ELK3: variants seen among roughly 807,000 people sequenced by gnomAD.
The protein encoded by ELK3 is ETS transcription factor ELK3, also known as ETS domain-containing protein Elk-3.
Under a neutral mutation model 28.9 loss-of-function variants are expected in ELK3, and 10 were observed. The ratio of observed to expected loss-of-function variants is 0.35; its 90% confidence interval spans 0.21 to 0.59. The LOEUF (loss-of-function observed/expected upper bound fraction) is 0.59. Ranked by LOEUF, ELK3 falls within the 20% of genes least tolerant of loss-of-function variation. ELK3 has a pLI of 0.82. For synonymous variants in ELK3, 272 were observed against 243.5 expected, an observed-to-expected ratio of 1.12 and a Z score of -1.09; for missense variants, 463 against 517.3, an observed-to-expected ratio of 0.90 and a Z score of 1.02.
chr12:96,216,296 C>G (rs931579977), intron 1 of ELK3, among the ~76,000 whole-genome samples: 4 of 152,126 alleles, frequency 2.6e-5, no homozygotes, highest in Admixed American at 2.6e-4. Flanking sequence ...GGAGAGAGCC[C>G]CAGGGACCCT....
intron 1 of ELK3, chr12:96,213,936 C>T (rs1951592780): frequency 6.6e-6 from 1 of 151,100 alleles, no homozygotes; most frequent in Non-Finnish European, 1.5e-5. Context: ...GTTGCCCAGG[C>T]TGGTCTTGAA....
At chr12:96,196,104 A>G (rs1236916710) in intron 1 of ELK3, among the ~76,000 whole-genome samples, 2 of 152,204 alleles carry the variant, frequency 1.3e-5, no homozygotes, top group African/African-American at 2.4e-5. Flanking sequence ...GTCATTGCTA[A>G]GTAATGTCTG....
At position 96,221,278 on chromosome 12, in the gene ELK3, C is replaced by G. The variant is rs1199355201; in HGVS notation, c.-2-2287C>G. Among the ~76,000 whole-genome samples, 4 of 152,198 alleles carry G rather than the reference C, an allele frequency of 2.6e-5. No individual in the cohort carries two copies. The East Asian group carries it at 7.7e-4, about 29-fold the overall frequency. ...CAATGAAAAGTGATTCTGTGATGCA[C>G]AAGAAGCTCCGAGGAGGCCAGGCAG... On this transcript the variant is annotated intron_variant, in intron 1 of 4. Transcript: ENST00000228741.
At chr12:96,263,205 G>T (rs1456842357) in intron 4 of ELK3, among the ~76,000 whole-genome samples, 1 of 152,142 alleles carries the variant, frequency 6.6e-6, no homozygotes, top group Non-Finnish European at 1.5e-5. Flanking sequence ...AGATATGAAA[G>T]AATTCCAAGG....
intron 1 of ELK3, among the ~76,000 whole-genome samples, chr12:96,197,699 A>G (rs1951481348): frequency 6.6e-6 from 1 of 152,204 alleles, no homozygotes; most frequent in Non-Finnish European, 1.5e-5. Context: ...CCAGAATGGC[A>G]GTAGTCCAGA....
intron 2 of ELK3, among the ~76,000 whole-genome samples, chr12:96,231,186 A>G (rs539478733): frequency 2.6e-4 from 39 of 152,270 alleles, no homozygotes; most frequent in Non-Finnish European, 4.9e-4. Flanking sequence ...TTGTTACTGT[A>G]GTTCTGATGG....
intron 3 of ELK3, among the ~76,000 whole-genome samples, chr12:96,253,589 T>C (rs934399235): frequency 6.6e-6 from 1 of 152,196 alleles, no homozygotes; most frequent in African/African-American, 2.4e-5. Context: ...TTGAGGACAT[T>C]TTTTTAACCT....
rs1275598103 is a variant in ELK3 at position 96,269,571 on chromosome 12, G to C, written c.*2391G>C. The C allele has an allele frequency of 6.6e-6, 1 of 152,322 alleles. No homozygotes were observed. Among genetic ancestry groups the C allele is most frequent in the Non-Finnish European group, 1.5e-5 (1 of 68,032 alleles). 9.4% of individuals were successfully genotyped at this position (152,322 alleles called of 1,614,324 possible). A position where few individuals can be genotyped will look rare whatever the true frequency, so the allele number is the denominator to read the frequency against. On this transcript the variant is annotated 3_prime_UTR_variant, in exon 5 of 5. Coordinates refer to ENST00000228741, the MANE Select transcript of ELK3 (RefSeq NM_005230.4). ...CTCATATAGCTCTGCCTCATTCTGTGTGTGTGTGCATGTGTGTGTTAGCAG... is the reference window on the plus strand; with the variant it reads ...CTCATATAGCTCTGCCTCATTCTGTCTGTGTGTGCATGTGTGTGTTAGCAG...
intron 4 of ELK3, among the ~76,000 whole-genome samples, chr12:96,266,252 G>T (rs1289056783): frequency 6.6e-6 from 1 of 152,114 alleles, no homozygotes; most frequent in Non-Finnish European, 1.5e-5. Context: ...TTGATATTTG[G>T]CGCTGAAGTT....
chr12:96,215,959 C>CT (rs1297671402), intron 1 of ELK3, among the ~76,000 whole-genome samples: 2 of 151,976 alleles, frequency 1.3e-5, no homozygotes, highest in Admixed American at 6.6e-5. Flanking sequence ...TAACTGCATT[C>CT]TTTAAGTGCA....
intron 1 of ELK3, among the ~76,000 whole-genome samples, chr12:96,211,626 A>G (rs1292597423): frequency 2.0e-5 from 3 of 152,072 alleles, no homozygotes; most frequent in Non-Finnish European, 1.5e-5. Flanking sequence ...TTACAGTTCA[A>G]CTTAATAGTT....
intron 1 of ELK3, among the ~76,000 whole-genome samples, chr12:96,209,130 G>A (rs1330698460): frequency 1.3e-5 from 2 of 152,250 alleles, no homozygotes; most frequent in African/African-American, 2.4e-5. Context: ...CAGAGACAGG[G>A]CAGACGTGAT....
At chr12:96,194,755 T>C (rs1279548699) in intron 1 of ELK3, 50 bp downstream of exon 1, 1 of 127,072 alleles carries the variant, frequency 7.9e-6, no homozygotes, top group Admixed American at 8.5e-5. Flanking sequence ...AAAGTTTGTT[T>C]GGGGGTGTTT....
chr12:96,229,769 A>G (rs1951728170), intron 2 of ELK3, among the ~76,000 whole-genome samples: 1 of 151,868 alleles, frequency 6.6e-6, no homozygotes, highest in African/African-American at 2.4e-5. Flanking sequence ...TGACCTTGTG[A>G]TCTGCCTGCC....
intron 1 of ELK3, chr12:96,222,688 A>G (rs1233849976): frequency 6.6e-6 from 1 of 152,236 alleles, no homozygotes; most frequent in African/African-American, 2.4e-5. Context: ...CACAGGAGAG[A>G]TATTCCAGGC....
chr12:96,206,323 A>ATT (rs1188781659), intron 1 of ELK3, among the ~76,000 whole-genome samples: 1 of 147,078 alleles, frequency 6.8e-6, no homozygotes, highest in African/African-American at 2.5e-5. Context: ...TTATTTATTT[A>ATT]TTTTTTTTTT....
chr12:96,204,078 T>TTAG (rs1951524366), intron 1 of ELK3, among the ~76,000 whole-genome samples: 2 of 152,220 alleles, frequency 1.3e-5, no homozygotes, highest in South Asian at 4.1e-4. Context: ...TTTGGCTCTA[T>TTAG]TGTTGGTATC....
At chr12:96,259,697 C>T (rs774432969) in intron 3 of ELK3, 34 bp from the exon 4 acceptor site, 1 of 1,590,910 alleles carries the variant, frequency 6.3e-7, no homozygotes. Flanking sequence ...TCAGGTGAAC[C>T]TATATGAAGA....
intron 1 of ELK3, among the ~76,000 whole-genome samples, chr12:96,195,174 G>GCAGT (rs1419639947): frequency 6.6e-6 from 1 of 152,132 alleles, no homozygotes; most frequent in Non-Finnish European, 1.5e-5. Context: ...AGCTGGGACC[G>GCAGT]CAGTCAGGCT....
Sources: gnomAD v4.1 joint callset for allele counts (sites outside exome capture counted in the v4.1 genomes callset) on GRCh38, gnomAD v4.1.1 for gene constraint, MANE v1.5 for transcripts, NCBI Gene and HGNC (gene_info 2026-07-23, HGNC 2026-07-21) for gene names.